CDC42SE2: variants seen among roughly 807,000 people sequenced by gnomAD.
The protein encoded by CDC42SE2 is CDC42 small effector 2, also known as CDC42 small effector protein 2.
Under a neutral mutation model 11.5 loss-of-function variants are expected in CDC42SE2, and 3 were observed. The observed-to-expected ratio is 0.26, with a 90% CI of 0.12 to 0.67. The LOEUF (loss-of-function observed/expected upper bound fraction) is 0.67, where lower values mean the gene tolerates loss of function less well. Among genes scored for constraint, CDC42SE2 ranks in the 30% least tolerant of loss-of-function variants. The pLI is 0.80. For synonymous variants in CDC42SE2, 33 were observed against 34.8 expected, an observed-to-expected ratio of 0.95 and a Z score of 0.18; for missense variants, 82 against 106.8, an observed-to-expected ratio of 0.77 and a Z score of 1.02.
the CDC42SE2 span, among the ~76,000 whole-genome samples, chr5:131,232,885 TTTTAA>T: frequency 2.6e-5 from 4 of 152,108 alleles, no homozygotes; most frequent in East Asian, 1.9e-4. Context: ...TTCTCTGATA[TTTTAA>T]TTTATTTTTA....
At chr5:131,305,035 A>C (rs1166904261) in intron 1 of CDC42SE2, among the ~76,000 whole-genome samples, 26 of 151,884 alleles carry the variant, frequency 1.7e-4, no homozygotes, top group Non-Finnish European at 2.9e-5. Context: ...CCACCCACCC[A>C]CATTCCTAGG....
intron 2 of CDC42SE2, among the ~76,000 whole-genome samples, chr5:131,345,633 C>T (rs1219627291): frequency 2.0e-5 from 3 of 152,106 alleles, no homozygotes; most frequent in African/African-American, 4.8e-5. Context: ...CATTCAAATT[C>T]AGGAAATACA....
chr5:131,319,331 T>C (rs563435342), intron 2 of CDC42SE2, among the ~76,000 whole-genome samples: 1 of 152,300 alleles, frequency 6.6e-6, no homozygotes, highest in East Asian at 1.9e-4. Context: ...CAGCTGCAGT[T>C]GTTTTCTTAC....
chr5:131,254,542 GA>G (rs80219806), intron 1 of CDC42SE2, among the ~76,000 whole-genome samples: 74 of 128,568 alleles, frequency 5.8e-4, no homozygotes, highest in Middle Eastern at 8.3e-3. Context: ...ACTCCATCTC[GA>G]AAAAAAAAAA....
intron 1 of CDC42SE2, among the ~76,000 whole-genome samples, chr5:131,248,785 A>G (rs1283621838): frequency 1.3e-5 from 2 of 152,168 alleles, no homozygotes; most frequent in African/African-American, 4.8e-5. Flanking sequence ...AATTATTATA[A>G]AACGTTGTTA....
At chr5:131,252,154 T>C (rs925922353) in intron 1 of CDC42SE2, among the ~76,000 whole-genome samples, 5 of 152,046 alleles carry the variant, frequency 3.3e-5, no homozygotes, top group Non-Finnish European at 1.5e-5. Context: ...TACTATCCTT[T>C]ATGAATGAAG....
At chr5:131,302,229 G>C (rs1472787214) in intron 1 of CDC42SE2, among the ~76,000 whole-genome samples, 2 of 150,318 alleles carry the variant, frequency 1.3e-5, no homozygotes, top group African/African-American at 4.9e-5. Flanking sequence ...GCCCAGGCTG[G>C]AGTGCAATGG....
chr5:131,243,479 G>C (rs760368103), upstream of CDC42SE2, among the ~76,000 whole-genome samples: 1 of 152,144 alleles, frequency 6.6e-6, no homozygotes. Flanking sequence ...CCAGCTACTC[G>C]GGAGGCTAAG....
chr5:131,292,925 A>C (rs973576977), intron 1 of CDC42SE2, among the ~76,000 whole-genome samples: 2 of 150,654 alleles, frequency 1.3e-5, no homozygotes, highest in Admixed American at 6.7e-5. Flanking sequence ...AAAAAAAAAA[A>C]AAAAAAAAAC....
chr5:131,346,996 C>T (rs1159333742), intron 2 of CDC42SE2, among the ~76,000 whole-genome samples: 1 of 152,142 alleles, frequency 6.6e-6, no homozygotes, highest in Non-Finnish European at 1.5e-5. Flanking sequence ...ACATTTAAAG[C>T]AGTGTGTAGA....
intron 1 of CDC42SE2, among the ~76,000 whole-genome samples, chr5:131,266,459 T>C (rs988590314): frequency 6.6e-6 from 1 of 150,844 alleles, no homozygotes; most frequent in African/African-American, 2.4e-5. Context: ...CTTTTTTTTT[T>C]CTTTTTTTTT....
At chr5:131,238,746 C>T in the CDC42SE2 span, among the ~76,000 whole-genome samples, 1 of 151,508 alleles carries the variant, frequency 6.6e-6, no homozygotes, top group African/African-American at 2.4e-5. Flanking sequence ...TTGAATTTTT[C>T]AATTCAAATA....
At chr5:131,320,158 G>A (rs565230592) in intron 2 of CDC42SE2, among the ~76,000 whole-genome samples, 34 of 151,904 alleles carry the variant, frequency 2.2e-4, no homozygotes, top group Non-Finnish European at 4.3e-4. Flanking sequence ...GCCAAGGCAG[G>A]TGGATCACTT....
intron 3 of CDC42SE2, among the ~76,000 whole-genome samples, chr5:131,383,533 T>C (rs1433357609): frequency 1.3e-5 from 2 of 152,142 alleles, no homozygotes; most frequent in African/African-American, 4.8e-5. Context: ...AGTGAAAAAC[T>C]ATAATAATAC....
At chr5:131,348,612 G>A (rs930212882) in intron 2 of CDC42SE2, among the ~76,000 whole-genome samples, 7 of 152,248 alleles carry the variant, frequency 4.6e-5, no homozygotes, top group Non-Finnish European at 1.0e-4. Flanking sequence ...ATCTACCAAT[G>A]ACTTTCTTCA....
chr5:131,336,628 C>T (rs987337637), intron 2 of CDC42SE2, among the ~76,000 whole-genome samples: 1 of 152,180 alleles, frequency 6.6e-6, no homozygotes, highest in Non-Finnish European at 1.5e-5. Context: ...TATATTTGGT[C>T]TTTTCACATA....
rs1430347694 is a variant in CDC42SE2, at chr5:131,350,256, C to T, written c.-285-8953C>T. Among the ~76,000 whole-genome samples, 4 of 151,644 alleles carry T rather than the reference C, an allele frequency of 2.6e-5. No individual in the cohort carries two copies. In the East Asian group the frequency reaches 7.7e-4, roughly 29 times the overall value. ...AAAAGATTAAAATAGCCTTCCTACT[C>T]GCTCATGTATACAATTAAATTCCTT... On this transcript the variant is annotated intron_variant, in intron 2 of 4. Coordinates refer to ENST00000505065, the MANE Select transcript of CDC42SE2 (RefSeq NM_001375635.1).
At position 131,390,098 on chromosome 5, in the gene CDC42SE2, C is replaced by T. The variant is rs148927675; in HGVS notation, c.157-895C>T. On this transcript the variant is annotated intron_variant, in intron 4 of 4. Transcript: ENST00000505065. ...CTGCAATGTGGTCGGGAGAGATTACCATCTTAACCCTTTTACAGATAAGAA... is the reference window on the plus strand; with the variant it reads ...CTGCAATGTGGTCGGGAGAGATTACTATCTTAACCCTTTTACAGATAAGAA... Among the ~76,000 whole-genome samples, 655 of 152,244 alleles carry T rather than the reference C, an allele frequency of 4.3e-3. 6 individuals are homozygous for T. Among genetic ancestry groups the T allele is most frequent in the African/African-American group, 0.015 (634 of 41,558 alleles).
Position 131,394,347 on chromosome 5 carries a change from G to A in CDC42SE2, c.*3256G>A, listed in dbSNP as rs139207207. 5 of 152,412 alleles carry A rather than the reference G, an allele frequency of 3.3e-5. No individual in the cohort carries two copies. Among genetic ancestry groups the A allele is most frequent in the African/African-American group, 4.8e-5 (2 of 41,550 alleles). The allele number at this position is 152,412 out of a possible 1,614,324, so 9.4% of individuals were successfully genotyped here. A position where few individuals can be genotyped will look rare whatever the true frequency, so the allele number is the denominator to read the frequency against. ...GAAGTGGTGCCAGTAAGCGTAGAGC[G>A]GAAATGTTGACTTTAGTTAACATTG... On this transcript the variant is annotated 3_prime_UTR_variant, in exon 5 of 5. Transcript: ENST00000505065.
Sources: gnomAD v4.1 joint callset for allele counts (sites outside exome capture counted in the v4.1 genomes callset) on GRCh38, gnomAD v4.1.1 for gene constraint, MANE v1.5 for transcripts, NCBI Gene and HGNC (gene_info 2026-07-23, HGNC 2026-07-21) for gene names.